KCNQ3: variants seen among roughly 807,000 people sequenced by gnomAD.
The protein encoded by KCNQ3 is potassium voltage-gated channel subfamily KQT member 3.
Under a neutral mutation model 92.5 loss-of-function variants are expected in KCNQ3, and 30 were observed. The ratio of observed to expected loss-of-function variants is 0.32; its 90% CI spans 0.24 to 0.44. The LOEUF is 0.44. Among genes scored for constraint, KCNQ3 ranks in the 20% least tolerant of loss-of-function variants. KCNQ3 has a pLI of 1.00. For missense variants in KCNQ3, 913 were observed against 1,140.3 expected, an observed-to-expected ratio of 0.80 and a Z score of 2.87; for synonymous variants, 450 against 468.8, an observed-to-expected ratio of 0.96 and a Z score of 0.52.
intron 1 of KCNQ3, among the ~76,000 whole-genome samples, chr8:132,475,035 G>A (rs1433829263): frequency 6.6e-6 from 1 of 152,084 alleles, no homozygotes; most frequent in African/African-American, 2.4e-5. Context: ...TGTTTGATAA[G>A]TGTGTGACTC....
Position 132,472,631 on chromosome 8 carries a change from T to C in KCNQ3, c.386+7516A>G, listed in dbSNP as rs1051974647. On this transcript the variant is annotated intron_variant, in intron 1 of 14. Coordinates refer to ENST00000388996, the MANE Select transcript of KCNQ3 (RefSeq NM_004519.4). ...GGATGAATGTGCAGGAGTAGGGGTA[T>C]AAAGAGAGGTTAGTTAATGGGTACA... Among the ~76,000 whole-genome samples the C allele has an allele frequency of 8.5e-5, 13 of 152,100 alleles. 1 individual carries two copies. The South Asian group carries it at 2.5e-3, about 29-fold the overall frequency.
intron 1 of KCNQ3, among the ~76,000 whole-genome samples, chr8:132,378,046 A>C (rs944611369): frequency 4.6e-5 from 7 of 151,758 alleles, no homozygotes; most frequent in Non-Finnish European, 1.5e-5. Flanking sequence ...ACTTTTTTTC[A>C]AAAAAAAGTG....
chr8:132,247,903 A>G (rs1329496323), intron 1 of KCNQ3, among the ~76,000 whole-genome samples: 2 of 152,156 alleles, frequency 1.3e-5, no homozygotes, highest in Admixed American at 6.6e-5. Flanking sequence ...CCAGGTGCCA[A>G]GCACTGTTTT....
chr8:132,355,212 T>C (rs1818987369), intron 1 of KCNQ3, among the ~76,000 whole-genome samples: 1 of 152,088 alleles, frequency 6.6e-6, no homozygotes, highest in South Asian at 2.1e-4. Context: ...TGTGCATAAA[T>C]TACTGGTATA....
At chr8:132,201,566 A>AG (rs1197967951) in intron 1 of KCNQ3, among the ~76,000 whole-genome samples, 2 of 152,360 alleles carry the variant, frequency 1.3e-5, no homozygotes, top group Admixed American at 1.3e-4. Context: ...AGAAAAAAAA[A>AG]TAAAGGCCTC....
At chr8:132,177,957 C>G (rs563050607) in intron 4 of KCNQ3, among the ~76,000 whole-genome samples, 1 of 152,354 alleles carries the variant, frequency 6.6e-6, no homozygotes, top group African/African-American at 2.4e-5. Flanking sequence ...TGCTCCAGAG[C>G]CCATTCCCAC....
At chr8:132,379,034 T>C (rs913161272) in intron 1 of KCNQ3, among the ~76,000 whole-genome samples, 6 of 152,206 alleles carry the variant, frequency 3.9e-5, no homozygotes, top group Admixed American at 2.0e-4. Context: ...GGACTTCTTG[T>C]TCTATAGGAT....
Position 132,253,944 on chromosome 8 carries a change from C to T in KCNQ3, c.387-67763G>A, listed in dbSNP as rs1031509730. Among the ~76,000 whole-genome samples the T allele has an allele frequency of 3.3e-5, 5 of 152,294 alleles. 1 individual carries two copies. The highest frequency in any genetic ancestry group is 4.4e-5 in the Non-Finnish European group (3 of 68,024). On this transcript the variant is annotated intron_variant, in intron 1 of 14. Coordinates refer to ENST00000388996, the MANE Select transcript of KCNQ3 (RefSeq NM_004519.4). ...CATCTGTTACCCACATTCTAAAGTTCAAGTGCATAAACAGCCCAGGTGGAG... is the reference window on the plus strand; with the variant it reads ...CATCTGTTACCCACATTCTAAAGTTTAAGTGCATAAACAGCCCAGGTGGAG...
At chr8:132,247,925 G>A (rs1163965547) in intron 1 of KCNQ3, among the ~76,000 whole-genome samples, 2 of 152,034 alleles carry the variant, frequency 1.3e-5, no homozygotes, top group African/African-American at 4.8e-5. Context: ...AGCACTTGAC[G>A]AATGTTAGCT....
chr8:132,412,521 CAG>C (rs1820677957), intron 1 of KCNQ3, among the ~76,000 whole-genome samples: 1 of 152,192 alleles, frequency 6.6e-6, no homozygotes, highest in Non-Finnish European at 1.5e-5. Context: ...AAACAGGAAA[CAG>C]AAATTCTTTT....
chr8:132,316,655 T>C lies in KCNQ3; in HGVS notation c.387-130474A>G, dbSNP rs981046144. On this transcript the variant is annotated intron_variant, in intron 1 of 14. Coordinates refer to ENST00000388996, the MANE Select transcript of KCNQ3 (RefSeq NM_004519.4). Reference sequence around the variant, plus strand: ...GCTGCTGCAGACCAGCTGTGCAGATTTGGGCAAGACATCCACCCTCTCTGA... The same window carrying C: ...GCTGCTGCAGACCAGCTGTGCAGATCTGGGCAAGACATCCACCCTCTCTGA... Among the ~76,000 whole-genome samples, 15 of 152,276 alleles carry C rather than the reference T, an allele frequency of 9.9e-5. 1 individual carries two copies. The highest frequency in any genetic ancestry group is 3.6e-4 in the African/African-American group (15 of 41,572).
chr8:132,232,154 C>G (rs1814664994), intron 1 of KCNQ3, among the ~76,000 whole-genome samples: 2 of 152,186 alleles, frequency 1.3e-5, no homozygotes, highest in Non-Finnish European at 1.5e-5. Context: ...TCTACTCTTG[C>G]TCTTGTCCAA....
intron 1 of KCNQ3, among the ~76,000 whole-genome samples, chr8:132,223,261 A>C (rs1050426352): frequency 6.6e-6 from 1 of 152,192 alleles, no homozygotes; most frequent in African/African-American, 2.4e-5. Context: ...GAATCTAATA[A>C]TGTGCTAGGT....
At chr8:132,416,060 C>A (rs1820795334) in intron 1 of KCNQ3, among the ~76,000 whole-genome samples, 1 of 152,154 alleles carries the variant, frequency 6.6e-6, no homozygotes, top group South Asian at 2.1e-4. Context: ...GGACTCAGAC[C>A]TGGTGCTAGA....
intron 12 of KCNQ3, among the ~76,000 whole-genome samples, chr8:132,135,845 C>A (rs10110659): frequency 0.27 from 41,102 of 151,982 alleles, 5,723 homozygotes; most frequent in Middle Eastern, 0.37. Flanking sequence ...TAAAGAAAGG[C>A]CTGCTGGGTG....
At chr8:132,446,762 T>G (rs1421275851) in intron 1 of KCNQ3, among the ~76,000 whole-genome samples, 1 of 152,174 alleles carries the variant, frequency 6.6e-6, no homozygotes, top group Non-Finnish European at 1.5e-5. Context: ...CAAGTTCCCT[T>G]TCTCCAAGCC....
chr8:132,462,592 A>T (rs938247711), intron 1 of KCNQ3, among the ~76,000 whole-genome samples: 1 of 152,222 alleles, frequency 6.6e-6, no homozygotes, highest in Non-Finnish European at 1.5e-5. Flanking sequence ...GCAGTGCTGG[A>T]ATATGAACTT....
chr8:132,422,899 G>GA (rs1218114198), intron 1 of KCNQ3, among the ~76,000 whole-genome samples: 1 of 152,124 alleles, frequency 6.6e-6, no homozygotes, highest in African/African-American at 2.4e-5. Context: ...TTGCATGAGT[G>GA]AAAACACAGC....
chr8:132,379,339 T>C (rs1163680343), intron 1 of KCNQ3, among the ~76,000 whole-genome samples: 1 of 152,122 alleles, frequency 6.6e-6, no homozygotes, highest in African/African-American at 2.4e-5. Flanking sequence ...AATCAAAGAT[T>C]TGGAAAGAGC....
Sources: allele counts gnomAD v4.1 joint callset (sites outside exome capture counted in the v4.1 genomes callset), GRCh38; gene constraint gnomAD v4.1.1; transcripts MANE v1.5; gene names NCBI Gene and HGNC (gene_info 2026-07-23, HGNC 2026-07-21).